Variants in RAB23 observed in about 807,000 individuals in gnomAD.
RAB23 encodes the protein ras-related protein Rab-23.
RAB23 carries 15 observed loss-of-function variants against 30.0 expected under a neutral mutation model. The observed-to-expected ratio is 0.50, with a 90% CI of 0.33 to 0.77. The LOEUF (loss-of-function observed/expected upper bound fraction) is 0.77, where lower values mean the gene tolerates loss of function less well. RAB23 is among the 30% of genes least tolerant of loss of function. RAB23 has a pLI of 0.02. For missense variants in RAB23, 243 were observed against 275.4 expected (o/e 0.88, Z 0.83); for synonymous variants, 93 against 94.0 (o/e 0.99, Z 0.06).
chr6:57,198,860 C>A (rs942529392), intron 3 of RAB23, among the ~76,000 whole-genome samples: 8 of 152,070 alleles, frequency 5.3e-5, no homozygotes, highest in Non-Finnish European at 1.0e-4. Context: ...GGAAAAAAAA[C>A]CCCAAACAGA....
intron 1 of RAB23, among the ~76,000 whole-genome samples, chr6:57,212,920 T>C (rs1282403404): frequency 6.6e-6 from 1 of 152,030 alleles, no homozygotes. Flanking sequence ...TGATGCCTGA[T>C]GCCTGCATCT....
chr6:57,195,636 G>A (rs1014954719), intron 4 of RAB23, among the ~76,000 whole-genome samples: 7 of 152,198 alleles, frequency 4.6e-5, no homozygotes, highest in African/African-American at 7.2e-5. Context: ...AATAGCTGCC[G>A]TGTTGTGAGA....
chr6:57,220,272 G>A (rs1037592253), intron 1 of RAB23, among the ~76,000 whole-genome samples: 1 of 152,208 alleles, frequency 6.6e-6, no homozygotes, highest in Non-Finnish European at 1.5e-5. Flanking sequence ...CTGGGAGTAT[G>A]TGGAGCAACT....
chr6:57,210,299 G>C lies in RAB23; in HGVS notation c.82C>G (p.Arg28Gly), dbSNP rs765443042. The change falls in exon 2 of 7, where the codon CGA (arginine) becomes GGA (glycine). Residue 28 changes from arginine (R) to glycine (G), a missense_variant. Arg to Gly is a moderately radical substitution (Grantham distance 125, BLOSUM62 -2). Transcript: ENST00000468148. ...GAVGKSSMIQRYCKGIFTKDY... is the reference protein window; with the variant it reads ...GAVGKSSMIQGYCKGIFTKDY... ...TTTGTAAAAATGCCTTTGCAATATCGCTGAATCATACTTGATTTTCCAACT... is the reference window on the plus strand; with the variant it reads ...TTTGTAAAAATGCCTTTGCAATATCCCTGAATCATACTTGATTTTCCAACT... 6.2e-7 allele frequency: 1 copy of C among 1,613,576 alleles called. No individual in the cohort carries two copies. Among genetic ancestry groups the C allele is most frequent in the Non-Finnish European group, 8.5e-7 (1 of 1,179,618 alleles).
At chr6:57,200,536 CAAAAAAA>C (rs989178921) in intron 3 of RAB23, among the ~76,000 whole-genome samples, 24 of 42,666 alleles carry the variant, frequency 5.6e-4, no homozygotes, top group African/African-American at 1.2e-3. Context: ...GACTCTGTCT[CAAAAAAA>C]AAAAAAAAAA....
At chr6:57,201,475 A>T (rs1305443571) in intron 3 of RAB23, among the ~76,000 whole-genome samples, 2 of 152,186 alleles carry the variant, frequency 1.3e-5, no homozygotes, top group East Asian at 3.8e-4. Flanking sequence ...AATCTGAATG[A>T]ACCTCTGCTG....
At chr6:57,220,317 T>C (rs1766008230) in intron 1 of RAB23, among the ~76,000 whole-genome samples, 1 of 152,170 alleles carries the variant, frequency 6.6e-6, no homozygotes, top group Non-Finnish European at 1.5e-5. Flanking sequence ...GAATGCAAAA[T>C]GACACAGATA....
chr6:57,189,069 AAAAT>A lies in RAB23; in HGVS notation c.*1388_*1391del, dbSNP rs1203357896. The A allele has an allele frequency of 1.3e-5, 2 of 152,224 alleles. No homozygotes were observed. Among genetic ancestry groups the A allele is most frequent in the African/African-American group, 4.8e-5 (2 of 41,468 alleles). The allele number at this position is 152,224 out of a possible 1,614,324, so 9.4% of individuals were successfully genotyped here. A position where few individuals can be genotyped will look rare whatever the true frequency, so the allele number is the denominator to read the frequency against. On this transcript the variant is annotated 3_prime_UTR_variant, in exon 7 of 7. Transcript: ENST00000468148. The stretch of plus-strand genomic sequence containing the variant: ...ATTGAAAGGGGTTATTTATAGGTTA[AAAAT>A]AAAGCCATTGATGAGTGATAATCAG...
In RAB23 at chr6:57,187,044, A is replaced by G. The variant is rs893231015; in HGVS notation, c.*3417T>C. The G allele has an allele frequency of 2.6e-5, 4 of 152,214 alleles. No individual in the cohort carries two copies. Among genetic ancestry groups the G allele is most frequent in the African/African-American group, 9.6e-5 (4 of 41,452 alleles). 9.4% of individuals were successfully genotyped at this position (152,214 alleles called of 1,614,324 possible). ...TGATTATTGGAATTCATCCTTCATG[A>G]AATTTTTAGAGTAGTGTTTTAAATT... is the stretch of plus-strand genomic sequence containing the variant. On this transcript the variant is annotated 3_prime_UTR_variant, in exon 7 of 7. Coordinates refer to ENST00000468148, the MANE Select transcript of RAB23 (RefSeq NM_016277.5).
intron 3 of RAB23, among the ~76,000 whole-genome samples, chr6:57,199,771 C>T (rs1765173447): frequency 6.6e-6 from 1 of 151,828 alleles, no homozygotes; most frequent in Admixed American, 6.6e-5. Context: ...CTGATTTAAC[C>T]TAAAAATATT....
intron 3 of RAB23, among the ~76,000 whole-genome samples, chr6:57,202,010 G>T (rs573433220): frequency 2.4e-3 from 372 of 152,246 alleles, no homozygotes; most frequent in African/African-American, 8.4e-3. Context: ...ATACCTTTGA[G>T]CAATGGCTTT....
chr6:57,191,419 T>C (rs1229878675), intron 6 of RAB23, among the ~76,000 whole-genome samples: 2 of 152,234 alleles, frequency 1.3e-5, no homozygotes, highest in East Asian at 3.8e-4. Flanking sequence ...CAATTTATCT[T>C]TGACGTTTGG....
rs1392569849 is a variant in RAB23, at chr6:57,222,243, CG to C, written c.-584del. 3 of 152,618 alleles carry C rather than the reference CG, an allele frequency of 2.0e-5. No individual in the cohort carries two copies. The highest frequency in any genetic ancestry group is 4.4e-5 in the Non-Finnish European group (3 of 68,380). 9.5% of individuals were successfully genotyped at this position (152,618 alleles called of 1,614,324 possible). A position where few individuals can be genotyped will look rare whatever the true frequency, so the allele number is the denominator to read the frequency against. Reference sequence around the variant, plus strand: ...TTGAGTGGCTCAGCAGCAGCTCCGCCGGGGGTGGTGGGGCGCGGGAGTCTCG... The same window carrying C: ...TTGAGTGGCTCAGCAGCAGCTCCGCCGGGGTGGTGGGGCGCGGGAGTCTCG... On this transcript the variant is annotated 5_prime_UTR_variant, in exon 1 of 7. It removes the in-frame stop codon of an upstream open reading frame in the 5' UTR. Coordinates refer to ENST00000468148, the MANE Select transcript of RAB23 (RefSeq NM_016277.5).
At chr6:57,209,650 T>C (rs1765574757) in intron 2 of RAB23, among the ~76,000 whole-genome samples, 1 of 152,238 alleles carries the variant, frequency 6.6e-6, no homozygotes, top group African/African-American at 2.4e-5. Context: ...CAATTTAAAA[T>C]ATACTTAGAA....
intron 1 of RAB23, among the ~76,000 whole-genome samples, chr6:57,220,067 C>T (rs1326764473): frequency 1.3e-5 from 2 of 152,160 alleles, no homozygotes; most frequent in South Asian, 2.1e-4. Flanking sequence ...CAAAACTCAA[C>T]ATAAGAAAAC....
chr6:57,203,428 CCTAT>C (rs938245301), intron 3 of RAB23, among the ~76,000 whole-genome samples: 3 of 152,130 alleles, frequency 2.0e-5, no homozygotes, highest in South Asian at 2.1e-4. Context: ...ATTAGGCCAG[CCTAT>C]CTGTTTCCTC....
chr6:57,213,814 AC>A (rs1187470601), intron 1 of RAB23, among the ~76,000 whole-genome samples: 1 of 152,146 alleles, frequency 6.6e-6, no homozygotes, highest in Admixed American at 6.5e-5. Flanking sequence ...ACCACCAACA[AC>A]AAAAAAACAT....
chr6:57,213,396 G>A (rs531213014), intron 1 of RAB23, among the ~76,000 whole-genome samples: 4 of 152,080 alleles, frequency 2.6e-5, no homozygotes, highest in East Asian at 1.9e-4. Flanking sequence ...TAGGACACAC[G>A]GTCAAATATA....
At position 57,190,335 on chromosome 6, in the gene RAB23, G is replaced by T; in HGVS notation, c.*126C>A. On this transcript the variant is annotated 3_prime_UTR_variant, in exon 7 of 7. Coordinates refer to ENST00000468148, the MANE Select transcript of RAB23 (RefSeq NM_016277.5). ...AAAAGCACTGCAGAGCAATATTTAAGTCTGTCACTTTCAGAGAGCCATTAG... is the reference window on the plus strand; with the variant it reads ...AAAAGCACTGCAGAGCAATATTTAATTCTGTCACTTTCAGAGAGCCATTAG... The T allele has an allele frequency of 8.9e-7, 1 of 1,129,384 alleles. No homozygotes were observed. Among genetic ancestry groups the T allele is most frequent in the Non-Finnish European group, 1.3e-6 (1 of 754,724 alleles). 70.0% of individuals were successfully genotyped at this position (1,129,384 alleles called of 1,614,324 possible). A position where few individuals can be genotyped will look rare whatever the true frequency, so the allele number is the denominator to read the frequency against.
Sources: allele counts gnomAD v4.1 joint callset (sites outside exome capture counted in the v4.1 genomes callset), GRCh38; gene constraint gnomAD v4.1.1; transcripts MANE v1.5; gene names NCBI Gene and HGNC (gene_info 2026-07-23, HGNC 2026-07-21).